Variants in URB2 observed in about 807,000 individuals in gnomAD.
The protein encoded by URB2 is URB2 ribosome biogenesis homolog, also known as unhealthy ribosome biogenesis protein 2 homolog.
Under a neutral mutation model 120.9 loss-of-function variants are expected in URB2, and 86 were observed. The observed-to-expected ratio is 0.71, with a 90% CI of 0.60 to 0.85. URB2 has a LOEUF of 0.85. Ranked by LOEUF, URB2 falls within the 40% of genes least tolerant of loss-of-function variation. The pLI is 0.00. For missense variants in URB2, 1,765 were observed against 1,836.5 expected (o/e 0.96, Z 0.71); for synonymous variants, 755 against 758.4 (o/e 1.00, Z 0.07).
intron 1 of URB2, among the ~76,000 whole-genome samples, chr1:229,626,572 G>C (rs1077954): frequency 0.19 from 28,500 of 152,320 alleles, 2,921 homozygotes; most frequent in Middle Eastern, 0.27. Context: ...CTGGCTCCTA[G>C]CTGCTCTCCC....
chr1:229,632,196 T>A, intron 2 of URB2, 73 bp from the exon 3 acceptor site: 19 of 1,307,576 alleles, frequency 1.5e-5, no homozygotes, highest in East Asian at 2.9e-5. Context: ...ATACCTGTAA[T>A]GTCCCTATAA....
At chr1:229,631,728 C>T (rs767706390) in intron 2 of URB2, among the ~76,000 whole-genome samples, 14 of 152,144 alleles carry the variant, frequency 9.2e-5, no homozygotes, top group Non-Finnish European at 1.5e-4. Flanking sequence ...TACAAGGACA[C>T]GGTTCATGGT....
rs1665854457 is a variant in URB2, at chr1:229,637,009, C to T, written c.2396C>T (p.Pro799Leu). The change falls in exon 4 of 10, where the codon CCT (proline) becomes CTT (leucine). Residue 799 changes from proline (P) to leucine (L), a missense_variant. Physicochemically the swap from Pro to Leu is moderately conservative, Grantham distance 98. Transcript: ENST00000258243. ...EKISKAFLHS[P>L]LFPEMQSLHS... ...ATATCCAAAGCCTTCCTTCATAGCC[C>T]TCTCTTTCCAGAGATGCAGTCCCTT... 4 of 1,613,978 alleles carry T rather than the reference C, an allele frequency of 2.5e-6. No homozygotes were observed. The East Asian group carries it at 6.7e-5, about 27-fold the overall frequency.
intron 1 of URB2, 70 bp from the exon 2 acceptor site, chr1:229,627,551 T>A: frequency 1.3e-6 from 2 of 1,484,118 alleles, no homozygotes; most frequent in Admixed American, 2.1e-5. Flanking sequence ...TGCAATACTG[T>A]TGGTTTTCTG....
At chr1:229,653,981 C>G (rs1666344086) in intron 8 of URB2, among the ~76,000 whole-genome samples, 1 of 129,028 alleles carries the variant, frequency 7.8e-6, no homozygotes, top group African/African-American at 3.0e-5. Flanking sequence ...AGATTTCATC[C>G]TAAAAATCTT....
At chr1:229,627,833 A>C in intron 2 of URB2, 74 bp downstream of exon 2, 4 of 1,467,328 alleles carry the variant, frequency 2.7e-6, no homozygotes, top group Non-Finnish European at 1.8e-6. Context: ...GGATATTGAC[A>C]ATTGGTTAAA....
intron 7 of URB2, among the ~76,000 whole-genome samples, chr1:229,650,125 C>T (rs568224668): frequency 6.6e-6 from 1 of 152,214 alleles, no homozygotes; most frequent in African/African-American, 2.4e-5. Flanking sequence ...AGAGAATAAT[C>T]CCGACACTTG....
intron 2 of URB2, among the ~76,000 whole-genome samples, chr1:229,629,412 C>T (rs973495087): frequency 6.6e-6 from 1 of 152,152 alleles, no homozygotes; most frequent in Non-Finnish European, 1.5e-5. Context: ...TTGGTACATG[C>T]ATATCTCAGA....
Position 229,627,702 on chromosome 1 carries a change from A to G in URB2, c.69A>G (p.Leu23=). The change falls in exon 2 of 10, where the codon CTA becomes CTG. Residue 23 remains leucine (L), a synonymous_variant. Coordinates refer to ENST00000258243, the MANE Select transcript of URB2 (RefSeq NM_014777.4). The part of the protein sequence containing the change: ...KSKTTSWEDK[L]KLAHFAWISH... ...AGACAACTTCCTGGGAAGATAAACT[A>G]AAACTAGCTCACTTTGCTTGGATTT... The G allele has an allele frequency of 6.2e-7, 1 of 1,613,554 alleles. No homozygotes were observed. The highest frequency in any genetic ancestry group is 8.5e-7 in the Non-Finnish European group (1 of 1,179,694).
At chr1:229,632,811 GTTTT>G (rs5781547) in intron 3 of URB2, among the ~76,000 whole-genome samples, 3 of 101,842 alleles carry the variant, frequency 2.9e-5, no homozygotes, top group Non-Finnish European at 3.9e-5. Flanking sequence ...TTCCTCAAAG[GTTTT>G]TTTTTTTTTT....
intron 9 of URB2, 26 bp downstream of exon 9, chr1:229,654,414 C>T (rs770869909): frequency 1.9e-6 from 3 of 1,613,900 alleles, no homozygotes; most frequent in East Asian, 2.2e-5. Flanking sequence ...ATGTCTTTCA[C>T]CAAGTACTGT....
intron 8 of URB2, among the ~76,000 whole-genome samples, chr1:229,652,558 C>T (rs186688909): frequency 6.6e-6 from 1 of 152,360 alleles, no homozygotes; most frequent in African/African-American, 2.4e-5. Flanking sequence ...TTAGATATTT[C>T]GCTTCTTCCT....
At chr1:229,658,399 G>T (rs1267725822) in intron 9 of URB2, among the ~76,000 whole-genome samples, 1 of 152,156 alleles carries the variant, frequency 6.6e-6, no homozygotes, top group African/African-American at 2.4e-5. Flanking sequence ...TGAACTTCAG[G>T]GGAGAAGTGC....
chr1:229,634,928 G>T lies in URB2; in HGVS notation c.315G>T (p.Glu105Asp). 6.6e-7 allele frequency: 1 copy of T among 1,525,188 alleles called. No homozygotes were observed. Among genetic ancestry groups the T allele is most frequent in the South Asian group, 1.3e-5 (1 of 77,290 alleles). The allele number at this position is 1,525,188 out of a possible 1,614,324, so 94.5% of individuals were successfully genotyped here. Reference sequence around the variant, plus strand: ...TTCTTAATGTTCAGATCATCAATGAGAGAGTAGCTGAGTTCTCTCTTTCGG... The same window carrying T: ...TTCTTAATGTTCAGATCATCAATGATAGAGTAGCTGAGTTCTCTCTTTCGG... ...LQISLVKIIN[E>D]RVAEFSLSGS... Residue 105 changes from glutamate (E) to aspartate (D), a missense_variant, in exon 4 of 10, where the codon GAG becomes GAT. Physicochemically the swap from Glu to Asp is conservative, Grantham distance 45. Transcript: ENST00000258243.
At position 229,637,002 on chromosome 1, in the gene URB2, C is replaced by CA; in HGVS notation, c.2390dup (p.His797GlnfsTer2). Reference sequence around the variant, plus strand: ...GGAAAAAATATCCAAAGCCTTCCTTCATAGCCCTCTCTTTCCAGAGATGCA... The same window carrying CA: ...GGAAAAAATATCCAAAGCCTTCCTTCAATAGCCCTCTCTTTCCAGAGATGCA... On this transcript the variant is annotated frameshift_variant, in exon 4 of 10. Transcript: ENST00000258243. LOFTEE classifies it high-confidence loss of function. 6.2e-7 allele frequency: 1 copy of CA among 1,614,086 alleles called. No individual in the cohort carries two copies. Among genetic ancestry groups the CA allele is most frequent in the Middle Eastern group, 1.7e-4 (1 of 6,060 alleles).
rs139168122 is a variant in URB2 at position 229,636,360 on chromosome 1, C to G, written c.1747C>G (p.Leu583Val). The change falls in exon 4 of 10, where the codon CTG becomes GTG. Residue 583 changes from leucine (L) to valine (V), a missense_variant. By Grantham distance (32) the Leu-to-Val change is conservative (BLOSUM62 1). Transcript: ENST00000258243. ...ERMMRELVQP[L>V]LALLPDTPGP... Reference sequence around the variant, plus strand: ...GATGATGAGGGAGCTCGTGCAGCCCCTGCTGGCCCTTCTCCCGGACACCCC... The same window carrying G: ...GATGATGAGGGAGCTCGTGCAGCCCGTGCTGGCCCTTCTCCCGGACACCCC... 4.2e-4 allele frequency: 686 copies of G among 1,614,218 alleles called. No individual in the cohort carries two copies. Among genetic ancestry groups the G allele is most frequent in the South Asian group, 4.9e-4 (45 of 91,084 alleles).
chr1:229,642,264 AG>A (rs1476076622), intron 4 of URB2, among the ~76,000 whole-genome samples: 4 of 152,208 alleles, frequency 2.6e-5, no homozygotes, highest in African/African-American at 9.6e-5. Context: ...CTTTCATGTG[AG>A]GGCACTATGT....
chr1:229,638,346 A>ACTT, intron 4 of URB2, 99 bp downstream of exon 4: 2 of 1,367,956 alleles, frequency 1.5e-6, no homozygotes, highest in Non-Finnish European at 2.0e-6. Flanking sequence ...TGATGTGTTC[A>ACTT]AAAGGTACCA....
chr1:229,638,072 C>T lies in URB2; in HGVS notation c.3459C>T (p.Leu1153=), dbSNP rs116231662. 9.5e-5 allele frequency: 154 copies of T among 1,614,218 alleles called. 2 individuals are homozygous for T. In the East Asian group the frequency reaches 2.0e-3, roughly 21 times the overall value. ...GGACGCTGCTCTCCCATGTTGCCCT[C>T]TACCAGGGTGTTTACTCTCAGATAC... The part of the protein sequence containing the change: ...SDRTLLSHVA[L]YQGVYSQILL... Residue 1153 remains leucine, a synonymous_variant, in exon 4 of 10, where the codon CTC becomes CTT. Coordinates refer to ENST00000258243, the MANE Select transcript of URB2 (RefSeq NM_014777.4).
Sources: gnomAD v4.1 joint callset for allele counts (sites outside exome capture counted in the v4.1 genomes callset) on GRCh38, gnomAD v4.1.1 for gene constraint, MANE v1.5 for transcripts, NCBI Gene and HGNC (gene_info 2026-07-23, HGNC 2026-07-21) for gene names.